The following NRDE2 variants were observed in gnomAD, a reference collection of about 807,000 sequenced individuals.
NRDE2 encodes the protein nuclear exosome regulator NRDE2.
In NRDE2, 76 loss-of-function variants were observed where a neutral mutation model predicts 124.2. That is an observed-to-expected ratio of 0.61 (90% CI 0.51 to 0.74). The LOEUF is 0.74. NRDE2 is among the 30% of genes least tolerant of loss of function. The pLI, the probability that NRDE2 is intolerant of heterozygous loss-of-function variation, is 0.00. For synonymous variants in NRDE2, 489 were observed against 528.1 expected (o/e 0.93, Z 1.01); for missense variants, 1,314 against 1,417.3 (o/e 0.93, Z 1.17).
intron 3 of NRDE2, among the ~76,000 whole-genome samples, chr14:90,315,034 G>A (rs1055548629): frequency 3.3e-5 from 5 of 151,774 alleles, no homozygotes; most frequent in Admixed American, 6.6e-5. Flanking sequence ...AAAATTAGCC[G>A]GGCGTGGTGG....
intron 2 of NRDE2, 75 bp downstream of exon 2, chr14:90,317,930 A>C: frequency 2.0e-6 from 2 of 1,024,188 alleles, no homozygotes; most frequent in Non-Finnish European, 2.9e-6. Context: ...AGAGTTTTCT[A>C]AGGAGCTTCA....
chr14:90,302,582 A>AT (rs1397574677), intron 6 of NRDE2, 138 bp downstream of exon 6: 1 of 989,228 alleles, frequency 1.0e-6, no homozygotes. Flanking sequence ...AAGAGTCGTA[A>AT]TACTTTTTTA....
rs1491397403 is a variant in NRDE2 at position 90,274,838 on chromosome 14, A to ACACACACACCC, written c.*3497_*3498insGGGTGTGTGTG. The ACACACACACCC allele has an allele frequency of 1.5e-5, 1 of 67,218 alleles. No homozygotes were observed. Among genetic ancestry groups the ACACACACACCC allele is most frequent in the East Asian group, 3.4e-4 (1 of 2,956 alleles). The allele number at this position is 67,218 out of a possible 1,614,324, so 4.2% of individuals were successfully genotyped here. A position where few individuals can be genotyped will look rare whatever the true frequency, so the allele number is the denominator to read the frequency against. On this transcript the variant is annotated 3_prime_UTR_variant, in exon 14 of 14. Coordinates refer to ENST00000354366, the MANE Select transcript of NRDE2 (RefSeq NM_017970.4). ...CACACACACACACACACACACACAC[A>ACACACACACCC]CCCCAATACATATGAATTGATCTGA...
At position 90,288,407 on chromosome 14, in the gene NRDE2, C is replaced by A. The variant is rs755808611; in HGVS notation, c.2968G>T (p.Ala990Ser). ...LAPLREALSQ[A>S]LKLYPGNQVL... ...TGGTTGCCTGGATACAACTTTAAAGCCTGTGAGAGTGCCTCTCGCAGAGGG... is the reference window on the plus strand; with the variant it reads ...TGGTTGCCTGGATACAACTTTAAAGACTGTGAGAGTGCCTCTCGCAGAGGG... Residue 990 changes from alanine to serine, a missense_variant, in exon 11 of 14, where the codon GCT becomes TCT. Physicochemically the swap from Ala to Ser is moderately conservative, Grantham distance 99. Transcript: ENST00000354366. 6.2e-7 allele frequency: 1 copy of A among 1,614,160 alleles called. No homozygotes were observed. Among genetic ancestry groups the A allele is most frequent in the Non-Finnish European group, 8.5e-7 (1 of 1,180,028 alleles).
Position 90,288,279 on chromosome 14 carries a change from C to A in NRDE2, c.3096G>T (p.Glu1032Asp), listed in dbSNP as rs756308982. ...CAGCTTCAATTGCAAACAACCAAGG[C>A]TCCAAGGGTTTGGCAGACCTGGTGA... Reference protein sequence around the residue: ...DTITRSAKPLEPWLFAIEAEK... With the variant: ...DTITRSAKPLDPWLFAIEAEK... Residue 1032 changes from glutamate (E) to aspartate (D), a missense_variant, in exon 11 of 14, where the codon GAG (glutamate) becomes GAT (aspartate). Coordinates refer to ENST00000354366, the MANE Select transcript of NRDE2 (RefSeq NM_017970.4). The A allele has an allele frequency of 3.7e-6, 6 of 1,614,204 alleles. No homozygotes were observed. The highest frequency in any genetic ancestry group is 5.1e-6 in the Non-Finnish European group (6 of 1,180,060).
chr14:90,268,111 C>T lies in NRDE2; in HGVS notation c.*10225G>A, dbSNP rs143094276. The T allele has an allele frequency of 1.5e-3, 1,223 of 803,184 alleles. 11 individuals carry two copies. In the African/African-American group the frequency reaches 0.02, roughly 13 times the overall value. 49.8% of individuals were successfully genotyped at this position (803,184 alleles called of 1,614,324 possible). A position where few individuals can be genotyped will look rare whatever the true frequency, so the allele number is the denominator to read the frequency against. The stretch of plus-strand genomic sequence containing the variant: ...CACTTGAATTGGTGCCATGCCTTAG[C>T]ATGAGGGCCCGCCTGTTTTTGGTGT... On this transcript the variant is annotated 3_prime_UTR_variant, in exon 14 of 14. Coordinates refer to ENST00000354366, the MANE Select transcript of NRDE2 (RefSeq NM_017970.4).
At chr14:90,328,797 C>G (rs1167150933) in intron 1 of NRDE2, among the ~76,000 whole-genome samples, 1 of 152,194 alleles carries the variant, frequency 6.6e-6, no homozygotes, top group Non-Finnish European at 1.5e-5. Flanking sequence ...ATTTACAGGA[C>G]AAATGACACG....
At chr14:90,331,814 C>A (rs754686055) in intron 1 of NRDE2, 27 bp downstream of exon 1, 130 of 1,613,212 alleles carry the variant, frequency 8.1e-5, no homozygotes, top group Non-Finnish European at 1.1e-4. Flanking sequence ...CCCCCAGGTG[C>A]CTTCTTCGGC....
At chr14:90,278,586 C>A in intron 13 of NRDE2, 125 bp from the exon 14 acceptor site, 1 of 1,203,068 alleles carries the variant, frequency 8.3e-7, no homozygotes, top group Non-Finnish European at 1.2e-6. Context: ...GGCCCCTGCT[C>A]CCCTTGGCTG....
intron 9 of NRDE2, 36 bp from the exon 10 acceptor site, chr14:90,290,643 A>G (rs1429528277): frequency 3.2e-6 from 5 of 1,567,612 alleles, no homozygotes; most frequent in Non-Finnish European, 3.4e-6. Flanking sequence ...CCCATGTAAC[A>G]AAACAAAACC....
At position 90,272,625 on chromosome 14, in the gene NRDE2, A is replaced by T. The variant is rs750201052; in HGVS notation, c.*5711T>A. 1.6e-5 allele frequency: 7 copies of T among 448,158 alleles called. No individual in the cohort carries two copies. Among genetic ancestry groups the T allele is most frequent in the African/African-American group, 2.0e-5 (1 of 48,904 alleles). The allele number at this position is 448,158 out of a possible 1,614,324, so 27.8% of individuals were successfully genotyped here. ...CAATAAAGCGTGCTCTTTCACAAAC[A>T]CTTCCTGTTTCTGCAGTCTCCACAC... On this transcript the variant is annotated 3_prime_UTR_variant, in exon 14 of 14. Coordinates refer to ENST00000354366, the MANE Select transcript of NRDE2 (RefSeq NM_017970.4). This position sits in a 1 kb window ranked among gnomAD's most constrained non-coding sequence, Gnocchi z 4.5.
chr14:90,299,561 C>T (rs879297223), intron 7 of NRDE2, among the ~76,000 whole-genome samples: 4 of 152,102 alleles, frequency 2.6e-5, no homozygotes, highest in Non-Finnish European at 4.4e-5. Context: ...TGTAAGAAAC[C>T]TTTTGAAGAG....
Position 90,270,012 on chromosome 14 carries a change from A to G in NRDE2, c.*8324T>C, listed in dbSNP as rs1891620996. 1 of 598,200 alleles carries G rather than the reference A, an allele frequency of 1.7e-6. No individual in the cohort carries two copies. The highest frequency in any genetic ancestry group is 2.8e-6 in the Non-Finnish European group (1 of 354,936). 37.1% of individuals were successfully genotyped at this position (598,200 alleles called of 1,614,324 possible). On this transcript the variant is annotated 3_prime_UTR_variant, in exon 14 of 14. Coordinates refer to ENST00000354366, the MANE Select transcript of NRDE2 (RefSeq NM_017970.4). Reference sequence around the variant, plus strand: ...CAGAGAGAGTTTCTTTTAAATGAAGAGAATTCAAATGTAGAAATCTACAAA... The same window carrying G: ...CAGAGAGAGTTTCTTTTAAATGAAGGGAATTCAAATGTAGAAATCTACAAA...
intron 2 of NRDE2, 150 bp from the exon 3 acceptor site, chr14:90,316,961 G>A: frequency 6.7e-6 from 4 of 594,480 alleles, no homozygotes; most frequent in Admixed American, 3.2e-5. Context: ...GTAACTTACT[G>A]GATTACACCT....
intron 13 of NRDE2, 137 bp from the exon 14 acceptor site, chr14:90,278,598 G>C: frequency 9.3e-7 from 1 of 1,070,888 alleles, no homozygotes; most frequent in South Asian, 1.5e-5. Context: ...CCTTGGCTGA[G>C]ACTTTCTTAA....
At chr14:90,324,496 T>C (rs1358089208) in intron 1 of NRDE2, among the ~76,000 whole-genome samples, 1 of 151,836 alleles carries the variant, frequency 6.6e-6, no homozygotes, top group Non-Finnish European at 1.5e-5. Flanking sequence ...GCCAACATGG[T>C]GAAACCCCAT....
chr14:90,320,005 G>C (rs1233314135), intron 1 of NRDE2, among the ~76,000 whole-genome samples: 1 of 152,008 alleles, frequency 6.6e-6, no homozygotes, highest in Non-Finnish European at 1.5e-5. Flanking sequence ...TTTTATTATA[G>C]TCACCCTAGT....
At chr14:90,299,219 T>G (rs1884297428) in intron 7 of NRDE2, among the ~76,000 whole-genome samples, 1 of 151,970 alleles carries the variant, frequency 6.6e-6, no homozygotes. Context: ...GCTAATTTTG[T>G]GTTTTTTTAG....
chr14:90,321,565 A>AG (rs1430818596), intron 1 of NRDE2, among the ~76,000 whole-genome samples: 6 of 151,614 alleles, frequency 4.0e-5, no homozygotes, highest in African/African-American at 1.4e-4. Context: ...AAAAAAAAAA[A>AG]AAAGAAAAGA....
Sources: allele counts gnomAD v4.1 joint callset (sites outside exome capture counted in the v4.1 genomes callset), GRCh38; gene constraint gnomAD v4.1.1; non-coding constraint Gnocchi (gnomAD v3.1); transcripts MANE v1.5; gene names NCBI Gene and HGNC (gene_info 2026-07-23, HGNC 2026-07-21).